Variants in BEND7 observed in about 807,000 individuals in gnomAD.
BEND7 encodes BEN domain containing 7, also known as BEN domain-containing protein 7.
In BEND7, 28 loss-of-function variants were observed where a neutral mutation model predicts 50.9. That is an observed-to-expected ratio of 0.55 (90% CI 0.41 to 0.75). The LOEUF (loss-of-function observed/expected upper bound fraction) is 0.75. Ranked by LOEUF, BEND7 falls within the 30% of genes least tolerant of loss-of-function variation. The pLI, the probability that BEND7 is intolerant of heterozygous loss-of-function variation, is 0.00. For missense variants in BEND7, 477 were observed against 491.3 expected (o/e 0.97, Z 0.28); for synonymous variants, 170 against 183.9 (o/e 0.92, Z 0.61).
At chr10:13,515,972 G>A (rs1384711972) in intron 2 of BEND7, among the ~76,000 whole-genome samples, 1 of 152,156 alleles carries the variant, frequency 6.6e-6, no homozygotes. Flanking sequence ...GACCTCATGC[G>A]CCGCATGGGA....
intron 6 of BEND7, among the ~76,000 whole-genome samples, chr10:13,475,716 G>A (rs2075379091): frequency 6.6e-6 from 1 of 152,084 alleles, no homozygotes; most frequent in African/African-American, 2.4e-5. Flanking sequence ...CCAAATGCTA[G>A]AGTTTAAGAT....
intron 5 of BEND7, among the ~76,000 whole-genome samples, chr10:13,489,859 T>A (rs948110082): frequency 6.6e-6 from 1 of 152,252 alleles, no homozygotes; most frequent in African/African-American, 2.4e-5. Flanking sequence ...GTTTATTTTG[T>A]ATATTGTGCT....
chr10:13,505,964 C>A (rs7906371), intron 2 of BEND7, among the ~76,000 whole-genome samples: 118,734 of 152,158 alleles, frequency 0.78, 46,573 homozygotes, highest in Non-Finnish European at 0.81. Context: ...ACAGGGAAGA[C>A]TGAAAACGTA....
chr10:13,502,556 G>A (rs577225476), intron 2 of BEND7, among the ~76,000 whole-genome samples: 3 of 152,194 alleles, frequency 2.0e-5, no homozygotes, highest in African/African-American at 4.8e-5. Flanking sequence ...GAGAGGCTAC[G>A]GAACAGGGTG....
At chr10:13,496,268 G>A (rs377205549) in intron 4 of BEND7, among the ~76,000 whole-genome samples, 3 of 152,194 alleles carry the variant, frequency 2.0e-5, no homozygotes, top group African/African-American at 4.8e-5. Context: ...CTGCTCTTCC[G>A]TCCCTCAACT....
chr10:13,492,921 C>T (rs1245911914), intron 4 of BEND7, 45 bp from the exon 5 acceptor site: 1 of 1,568,854 alleles, frequency 6.4e-7, no homozygotes, highest in Non-Finnish European at 8.6e-7. Flanking sequence ...GTGTGTCTGA[C>T]TTAGGAAAAC....
At chr10:13,462,911 G>C (rs977994312) in intron 6 of BEND7, among the ~76,000 whole-genome samples, 2 of 152,202 alleles carry the variant, frequency 1.3e-5, no homozygotes, top group African/African-American at 4.8e-5. Context: ...CAAAAAGACA[G>C]ATGATCTACA....
chr10:13,468,483 C>T (rs1007028760), intron 6 of BEND7, among the ~76,000 whole-genome samples: 19 of 152,062 alleles, frequency 1.2e-4, no homozygotes, highest in Non-Finnish European at 2.6e-4. Context: ...ATTCAAGTTA[C>T]GGAGTCTTGG....
intron 6 of BEND7, among the ~76,000 whole-genome samples, chr10:13,467,426 G>C (rs1407892988): frequency 6.6e-6 from 1 of 152,216 alleles, no homozygotes; most frequent in Non-Finnish European, 1.5e-5. Context: ...TTTTGAGGAT[G>C]ATTCCTCTCT....
At chr10:13,454,446 A>G (rs911395428) in intron 6 of BEND7, among the ~76,000 whole-genome samples, 1 of 151,728 alleles carries the variant, frequency 6.6e-6, no homozygotes, top group Non-Finnish European at 1.5e-5. Context: ...GTCTCAATCA[A>G]TCAATCAATC....
Position 13,447,325 on chromosome 10 carries a change from T to G in BEND7, c.1184-9A>C. 6.2e-7 allele frequency: 1 copy of G among 1,614,076 alleles called. No individual in the cohort carries two copies. Among genetic ancestry groups the G allele is most frequent in the Admixed American group, 1.7e-5 (1 of 60,002 alleles). The stretch of plus-strand genomic sequence containing the variant: ...ATCACTGTCCGCGATCTCTGCTGGT[T>G]ACAAACATAAGACACAAATCTCATT... On this transcript the variant is annotated splice_polypyrimidine_tract_variant and intron_variant, in intron 7 of 8. Transcript: ENST00000466271.
chr10:13,463,634 T>C (rs1311480416), intron 6 of BEND7, among the ~76,000 whole-genome samples: 1 of 152,018 alleles, frequency 6.6e-6, no homozygotes, highest in African/African-American at 2.4e-5. Context: ...TAAAACTTTG[T>C]TGGAAAAAAA....
chr10:13,513,181 T>C (rs997743149), intron 2 of BEND7, among the ~76,000 whole-genome samples: 16 of 152,214 alleles, frequency 1.1e-4, no homozygotes, highest in African/African-American at 3.6e-4. Flanking sequence ...ATCCACTAAA[T>C]TGATATCATG....
chr10:13,439,090 A>G, downstream of BEND7: 2 of 1,344,324 alleles, frequency 1.5e-6, no homozygotes, highest in Non-Finnish European at 2.0e-6. Context: ...AGGGCCTGAA[A>G]TCTTAACAGC....
chr10:13,481,287 C>G (rs993410345), intron 5 of BEND7, among the ~76,000 whole-genome samples, 163 bp from the exon 6 acceptor site: 2 of 152,136 alleles, frequency 1.3e-5, no homozygotes, highest in African/African-American at 4.8e-5. Flanking sequence ...ATTTATAAAA[C>G]CAAGGACTAG....
intron 2 of BEND7, among the ~76,000 whole-genome samples, chr10:13,503,695 G>C (rs2077650704): frequency 6.6e-6 from 1 of 151,216 alleles, no homozygotes; most frequent in Non-Finnish European, 1.5e-5. Context: ...CTGGGCAACA[G>C]GGTGAGACTC....
At chr10:13,529,258 C>A (rs1158478484), upstream of BEND7, among the ~76,000 whole-genome samples, 2 of 150,180 alleles carry the variant, frequency 1.3e-5, no homozygotes, top group African/African-American at 2.4e-5. Context: ...CGGGCCTCCG[C>A]TCGCAGACCC....
chr10:13,473,322 G>T (rs1321558676), intron 6 of BEND7, among the ~76,000 whole-genome samples: 1 of 150,960 alleles, frequency 6.6e-6, no homozygotes, highest in African/African-American at 2.4e-5. Context: ...TGTTAGACTC[G>T]GGGATGGTAT....
intron 1 of BEND7, among the ~76,000 whole-genome samples, 185 bp downstream of exon 1, chr10:13,528,288 C>A (rs551434342): frequency 3.3e-5 from 5 of 151,790 alleles, no homozygotes. Context: ...CCCTGCTCCC[C>A]CCGCACAACT....
Sources: allele counts gnomAD v4.1 joint callset (sites outside exome capture counted in the v4.1 genomes callset), GRCh38; gene constraint gnomAD v4.1.1; transcripts MANE v1.5; gene names NCBI Gene and HGNC (gene_info 2026-07-23, HGNC 2026-07-21).